Variants in BMPR1A observed in about 807,000 individuals in gnomAD.
The protein encoded by BMPR1A is bone morphogenetic protein receptor type-1A.
BMPR1A carries 7 observed loss-of-function variants against 66.0 expected under a neutral mutation model. The observed-to-expected ratio is 0.11, with a 90% confidence interval of 0.06 to 0.20. The LOEUF (loss-of-function observed/expected upper bound fraction) is 0.20. Among genes scored for constraint, BMPR1A ranks in the 10% least tolerant of loss-of-function variants. The pLI is 1.00. For missense variants in BMPR1A, 408 were observed against 669.1 expected, an observed-to-expected ratio of 0.61 and a Z score of 4.31; for synonymous variants, 200 against 229.7, an observed-to-expected ratio of 0.87 and a Z score of 1.17.
chr10:86,773,037 C>A (rs376181744), intron 1 of BMPR1A, among the ~76,000 whole-genome samples: 1 of 151,628 alleles, frequency 6.6e-6, no homozygotes, highest in Non-Finnish European at 1.5e-5. Context: ...GCGTCTGAAC[C>A]TGGAATATAA....
At chr10:86,764,814 G>A (rs1039832798) in intron 1 of BMPR1A, among the ~76,000 whole-genome samples, 1 of 152,194 alleles carries the variant, frequency 6.6e-6, no homozygotes, top group African/African-American at 2.4e-5. Context: ...TGTGAATTAC[G>A]TACCAGATTT....
chr10:86,772,754 G>A (rs1028524984), intron 1 of BMPR1A, among the ~76,000 whole-genome samples: 1 of 152,036 alleles, frequency 6.6e-6, no homozygotes, highest in Admixed American at 6.6e-5. Flanking sequence ...GTTATGGCAT[G>A]TAGACGTCTA....
At chr10:86,866,359 C>G (rs931215384) in intron 2 of BMPR1A, among the ~76,000 whole-genome samples, 1 of 149,172 alleles carries the variant, frequency 6.7e-6, no homozygotes, top group Non-Finnish European at 1.5e-5. Flanking sequence ...AGCAGCAAAC[C>G]TGCCACTTAC....
At chr10:86,783,521 T>C (rs1231336214) in intron 1 of BMPR1A, among the ~76,000 whole-genome samples, 1 of 152,248 alleles carries the variant, frequency 6.6e-6, no homozygotes, top group African/African-American at 2.4e-5. Context: ...TTTTCCTCAG[T>C]TTTTTGTCAT....
chr10:86,812,408 G>A (rs560446112), intron 1 of BMPR1A, among the ~76,000 whole-genome samples: 7 of 152,188 alleles, frequency 4.6e-5, no homozygotes, highest in Admixed American at 2.6e-4. Flanking sequence ...TTTTTTATTC[G>A]TTCACTTTTA....
chr10:86,916,135 A>T (rs1843564855), intron 8 of BMPR1A, among the ~76,000 whole-genome samples: 1 of 152,236 alleles, frequency 6.6e-6, no homozygotes, highest in South Asian at 2.1e-4. Flanking sequence ...GACAGGAATA[A>T]GCTTGAGTGA....
chr10:86,868,622 T>C (rs1265501357), intron 2 of BMPR1A, among the ~76,000 whole-genome samples: 1 of 152,222 alleles, frequency 6.6e-6, no homozygotes, highest in Non-Finnish European at 1.5e-5. Context: ...GTTTTCTCCT[T>C]GCTATTTTAT....
intron 1 of BMPR1A, among the ~76,000 whole-genome samples, chr10:86,796,602 A>G (rs979009027): frequency 6.6e-6 from 1 of 150,444 alleles, no homozygotes; most frequent in Non-Finnish European, 1.5e-5. Context: ...TTTGAGACAG[A>G]ATCTCTCTCT....
At chr10:86,899,742 AT>A (rs1211596051) in intron 5 of BMPR1A, 51 bp from the exon 6 acceptor site, 1 of 1,531,924 alleles carries the variant, frequency 6.5e-7, no homozygotes, top group Non-Finnish European at 9.0e-7. Flanking sequence ...AAAAAGACAT[AT>A]CAGTTTAAAA....
chr10:86,770,151 C>T (rs1418345183), intron 1 of BMPR1A, among the ~76,000 whole-genome samples: 3 of 152,126 alleles, frequency 2.0e-5, no homozygotes, highest in Non-Finnish European at 2.9e-5. Context: ...ATTAGCTAGG[C>T]GTGGTGGCGG....
intron 3 of BMPR1A, among the ~76,000 whole-genome samples, chr10:86,879,073 A>G (rs1842955672): frequency 1.3e-5 from 2 of 152,322 alleles, no homozygotes; most frequent in East Asian, 3.9e-4. Context: ...AGTAACACAC[A>G]GGAAGTCTGT....
At chr10:86,878,809 A>G (rs374634706) in intron 3 of BMPR1A, among the ~76,000 whole-genome samples, 1 of 152,168 alleles carries the variant, frequency 6.6e-6, no homozygotes, top group Non-Finnish European at 1.5e-5. Flanking sequence ...CAATTGTCTT[A>G]ATCTATATCC....
intron 1 of BMPR1A, among the ~76,000 whole-genome samples, chr10:86,779,486 A>T (rs1162965627): frequency 6.6e-6 from 1 of 151,820 alleles, no homozygotes; most frequent in African/African-American, 2.4e-5. Flanking sequence ...TCCTGTTGAG[A>T]TGTTTGAGTT....
At chr10:86,781,578 G>A (rs1236188009) in intron 1 of BMPR1A, among the ~76,000 whole-genome samples, 1 of 152,098 alleles carries the variant, frequency 6.6e-6, no homozygotes, top group Admixed American at 6.6e-5. Context: ...TTTTGATAGG[G>A]ATTGCATTGG....
intron 9 of BMPR1A, 121 bp from the exon 10 acceptor site, chr10:86,919,051 G>T: frequency 1.9e-6 from 2 of 1,059,972 alleles, no homozygotes; most frequent in South Asian, 2.7e-5. Flanking sequence ...GGTGTCAGGC[G>T]AATTAAAGTT....
Position 86,925,988 on chromosome 10 carries a change from A to G in BMPR1A, c.*2269A>G, listed in dbSNP as rs1242781385. The G allele has an allele frequency of 5.9e-6, 1 of 170,574 alleles. No homozygotes were observed. The highest frequency in any genetic ancestry group is 1.3e-5 in the Non-Finnish European group (1 of 78,674). 10.6% of individuals were successfully genotyped at this position (170,574 alleles called of 1,614,324 possible). The stretch of plus-strand genomic sequence containing the variant: ...ATGATCCACCTGCCTCGGCCTCCCA[A>G]AGTTCATTTGTCATCTTAATAAAAA... On this transcript the variant is annotated 3_prime_UTR_variant, in exon 13 of 13. Coordinates refer to ENST00000372037, the MANE Select transcript of BMPR1A (RefSeq NM_004329.3).
chr10:86,856,166 A>C (rs1035062860), intron 2 of BMPR1A: 4 of 529,516 alleles, frequency 7.6e-6, no homozygotes, highest in Non-Finnish European at 1.5e-5. Context: ...GACATAAAGG[A>C]TAACCACAGA....
intron 1 of BMPR1A, among the ~76,000 whole-genome samples, chr10:86,785,277 A>AT (rs1460886085): frequency 2.0e-5 from 3 of 152,092 alleles, no homozygotes; most frequent in African/African-American, 7.2e-5. Context: ...GAAAATGTGT[A>AT]TTCAGCTAGT....
intron 2 of BMPR1A, among the ~76,000 whole-genome samples, chr10:86,869,136 C>T (rs1589754110): frequency 6.6e-6 from 1 of 151,968 alleles, no homozygotes; most frequent in South Asian, 2.1e-4. Context: ...TATATTTTAT[C>T]GTTAGATATT....
Sources: gnomAD v4.1 joint callset for allele counts (sites outside exome capture counted in the v4.1 genomes callset) on GRCh38, gnomAD v4.1.1 for gene constraint, MANE v1.5 for transcripts, NCBI Gene and HGNC (gene_info 2026-07-23, HGNC 2026-07-21) for gene names.